The following EP400 variants were observed in gnomAD, a reference collection of about 807,000 sequenced individuals.
The protein encoded by EP400 is E1A-binding protein p400.
A neutral mutation model predicts 354.1 loss-of-function variants in EP400; 105 were observed. The ratio of observed to expected loss-of-function variants is 0.30; its 90% CI spans 0.25 to 0.35. The LOEUF is 0.35. Among genes scored for constraint, EP400 ranks in the 10% least tolerant of loss-of-function variants. The probability of loss-of-function intolerance (pLI) is 1.00; values close to 1 mark genes in which losing one functional copy is unlikely to be tolerated. For synonymous variants in EP400, 1,646 were observed against 1,716.9 expected, an observed-to-expected ratio of 0.96 and a Z score of 1.02; for missense variants, 3,280 against 4,121.0, an observed-to-expected ratio of 0.80 and a Z score of 5.59.
Position 131,986,400 on chromosome 12 carries a change from C to T in EP400, c.1930-114C>T, listed in dbSNP as rs747474204. ...TGATTTGTCTGCTTGCATCGTGGAG[C>T]GGAAGGTGCTGGCAGTGCGCGTCTC... is the stretch of plus-strand genomic sequence containing the variant. On this transcript the variant is annotated intron_variant, in intron 5 of 52. Coordinates refer to ENST00000389561, the MANE Select transcript of EP400 (RefSeq NM_015409.5). 5.2e-4 allele frequency: 514 copies of T among 979,826 alleles called. 3 individuals carry two copies. The highest frequency in any genetic ancestry group is 4.8e-4 in the Non-Finnish European group (317 of 661,012). The allele number at this position is 979,826 out of a possible 1,614,324, so 60.7% of individuals were successfully genotyped here.
At chr12:132,009,613 G>A (rs1204986096) in intron 15 of EP400, among the ~76,000 whole-genome samples, 1 of 152,178 alleles carries the variant, frequency 6.6e-6, no homozygotes, top group Non-Finnish European at 1.5e-5. Flanking sequence ...GGTCAGCCAC[G>A]ATAGAGGCCT....
Position 132,050,424 on chromosome 12 carries a change from G to T in EP400, c.7302G>T (p.Met2434Ile). Residue 2434 changes from methionine (M) to isoleucine (I), a missense_variant, in exon 40 of 53, where the codon ATG (methionine) becomes ATT (isoleucine). Transcript: ENST00000389561. This position sits in a 1 kb window ranked among gnomAD's most constrained non-coding sequence, Gnocchi z 4.8. ...CGAGCCACTTTGACTTAATGAAAATGACTGCTGGCAAGAGGAGTCCCCCAA... is the reference window on the plus strand; with the variant it reads ...CGAGCCACTTTGACTTAATGAAAATTACTGCTGGCAAGAGGAGTCCCCCAA... ...LYTSHFDLMK[M>I]TAGKRSPPIK... 6.2e-7 allele frequency: 1 copy of T among 1,614,162 alleles called. No homozygotes were observed. The highest frequency in any genetic ancestry group is 1.1e-5 in the South Asian group (1 of 91,076).
chr12:132,045,557 G>A lies in EP400; in HGVS notation c.7023G>A (p.Leu2341=). 6.2e-7 allele frequency: 1 copy of A among 1,613,844 alleles called. No homozygotes were observed. The highest frequency in any genetic ancestry group is 8.5e-7 in the Non-Finnish European group (1 of 1,179,772). Residue 2341 remains leucine, a synonymous_variant, in exon 38 of 53, where the codon CTG becomes CTA. Coordinates refer to ENST00000389561, the MANE Select transcript of EP400 (RefSeq NM_015409.5). ...TCATCAGTGAGGACTGGGCGCTGCT[G>A]CAGGTAGGTGGGCGTGGTCTTTGTG... The part of the protein sequence containing the change: ...EWLISEDWAL[L]QAVKQLLELP...
In EP400 at chr12:132,029,819, G is replaced by A; in HGVS notation, c.5500G>A (p.Ala1834Thr). Reference sequence around the variant, plus strand: ...GAGGCAGGGCCTGAGAGAGCACGCTGCGCCGTACTTCCAGCAGCTGCGGCA... The same window carrying A: ...GAGGCAGGGCCTGAGAGAGCACGCTACGCCGTACTTCCAGCAGCTGCGGCA... ...ILRQGLREHAAPYFQQLRQTT... is the reference protein window; with the variant it reads ...ILRQGLREHATPYFQQLRQTT... Residue 1834 changes from alanine to threonine, a missense_variant, in exon 28 of 53, where the codon GCG (alanine) becomes ACG (threonine). Around this residue, in one of 20 missense-constraint regions of EP400, gnomAD observed 459 missense variants for 496.9 expected, o/e 0.92. Coordinates refer to ENST00000389561, the MANE Select transcript of EP400 (RefSeq NM_015409.5). The surrounding 1 kb of genome is among the most constrained non-coding windows in gnomAD (Gnocchi z 4.7). The A allele has an allele frequency of 6.2e-7, 1 of 1,613,420 alleles. No homozygotes were observed. Among genetic ancestry groups the A allele is most frequent in the Non-Finnish European group, 8.5e-7 (1 of 1,180,034 alleles).
Position 132,062,100 on chromosome 12 carries a change from C to A in EP400, c.7885-10C>A, listed in dbSNP as rs1443844973. On this transcript the variant is annotated splice_polypyrimidine_tract_variant and intron_variant, in intron 45 of 52. Transcript: ENST00000389561. ...AATATTTGATGAGGTCCTCTGTTTG[C>A]CTTTTCTAGACGCCGGGAGGCTCTG... 6.8e-6 allele frequency: 11 copies of A among 1,609,696 alleles called. No homozygotes were observed. The highest frequency in any genetic ancestry group is 9.3e-6 in the Non-Finnish European group (11 of 1,179,168).
intron 37 of EP400, 75 bp downstream of exon 37, chr12:132,045,028 G>A: frequency 7.4e-7 from 1 of 1,345,404 alleles, no homozygotes; most frequent in Non-Finnish European, 1.0e-6. Context: ...GCCACTTTCT[G>A]CTGTCTGCCT....
intron 41 of EP400, 107 bp from the exon 42 acceptor site, chr12:132,053,039 G>A (rs1895357102): frequency 8.2e-7 from 1 of 1,213,036 alleles, no homozygotes; most frequent in South Asian, 1.2e-5. Context: ...TCATCTCTTG[G>A]GCTGGAGCTG....
At chr12:132,023,725 CA>C in intron 23 of EP400, 51 bp from the exon 24 acceptor site, 2 of 1,597,584 alleles carry the variant, frequency 1.3e-6, no homozygotes, top group Non-Finnish European at 1.7e-6. Context: ...ATGACACTCC[CA>C]AATTTTTTCC....
rs764986948 is a variant in EP400 at position 131,982,446 on chromosome 12, G to T, written c.1897G>T (p.Val633Leu). Residue 633 changes from valine (V) to leucine (L), a missense_variant, in exon 5 of 53, where the codon GTG (valine) becomes TTG (leucine). Transcript: ENST00000389561. ...CGTTCCCACACCTGGAAAGGTGCAG[G>T]TGCAGGCCTCTCAGCTTTCCTCCCT... is the stretch of plus-strand genomic sequence containing the variant. ...LHVPTPGKVQ[V>L]QASQLSSLPQ... The T allele has an allele frequency of 6.2e-6, 10 of 1,611,934 alleles. No homozygotes were observed. In the African/African-American group the frequency reaches 1.2e-4, roughly 19 times the overall value.
Position 131,990,184 on chromosome 12 carries a change from G to A in EP400, c.2550+80G>A. 6.6e-7 allele frequency: 1 copy of A among 1,512,364 alleles called. No individual in the cohort carries two copies. Among genetic ancestry groups the A allele is most frequent in the South Asian group, 1.3e-5 (1 of 76,698 alleles). The allele number at this position is 1,512,364 out of a possible 1,614,324, so 93.7% of individuals were successfully genotyped here. ...GGCCACTTCCCGAGACCAGAGCTCG[G>A]GCACCTTGCTTAGGAAGCTTTCGAG... On this transcript the variant is annotated intron_variant, in intron 8 of 52. Transcript: ENST00000389561. This position sits in a 1 kb window ranked among gnomAD's most constrained non-coding sequence, Gnocchi z 4.2.
intron 47 of EP400, among the ~76,000 whole-genome samples, chr12:132,063,114 T>C (rs1304793846): frequency 6.6e-6 from 1 of 152,206 alleles, no homozygotes; most frequent in African/African-American, 2.4e-5. Flanking sequence ...GTGGTTCACG[T>C]GCGGTACTGT....
At position 132,078,723 on chromosome 12, in the gene EP400, A is replaced by G. The variant is rs1265910224; in HGVS notation, c.*1050A>G. The G allele has an allele frequency of 1.3e-5, 2 of 151,942 alleles. No homozygotes were observed. The highest frequency in any genetic ancestry group is 1.9e-4 in the East Asian group (1 of 5,178). The allele number at this position is 151,942 out of a possible 1,614,324, so 9.4% of individuals were successfully genotyped here. A position where few individuals can be genotyped will look rare whatever the true frequency, so the allele number is the denominator to read the frequency against. ...TTGGCTATAGCGGTGGGCCCAGTCAACTCTTCCTTGTGGACTTACGACAGC... is the reference window on the plus strand; with the variant it reads ...TTGGCTATAGCGGTGGGCCCAGTCAGCTCTTCCTTGTGGACTTACGACAGC... On this transcript the variant is annotated 3_prime_UTR_variant, in exon 53 of 53. Coordinates refer to ENST00000389561, the MANE Select transcript of EP400 (RefSeq NM_015409.5).
intron 1 of EP400, among the ~76,000 whole-genome samples, chr12:131,951,350 C>A (rs1232797012): frequency 6.6e-6 from 1 of 151,332 alleles, no homozygotes; most frequent in Non-Finnish European, 1.5e-5. Context: ...CCATGCCCGG[C>A]CAATTTTTTA....
At position 132,023,926 on chromosome 12, in the gene EP400, C is replaced by T. The variant is rs754164464; in HGVS notation, c.4840C>T (p.Pro1614Ser). Residue 1614 changes from proline to serine, a missense_variant, in exon 24 of 53, where the codon CCG (proline) becomes TCG (serine). Physicochemically the swap from Pro to Ser is moderately conservative, Grantham distance 74. Coordinates refer to ENST00000389561, the MANE Select transcript of EP400 (RefSeq NM_015409.5). Reference sequence around the variant, plus strand: ...GCTCCGGCAGCTCACAGCGGGCCAGCCGCTGCAGCTGCAAGGTAAGGATAA... The same window carrying T: ...GCTCCGGCAGCTCACAGCGGGCCAGTCGCTGCAGCTGCAAGGTAAGGATAA... ...SQLRQLTAGQPLQLQGSVLQI... is the reference protein window; with the variant it reads ...SQLRQLTAGQSLQLQGSVLQI... The T allele has an allele frequency of 1.9e-6, 3 of 1,605,514 alleles. No homozygotes were observed. The Admixed American group carries it at 5.1e-5, about 27-fold the overall frequency.
In EP400 at chr12:131,990,625, T is replaced by C. The variant is rs762796576; in HGVS notation, c.2551-11T>C. 1 of 1,589,924 alleles carries C rather than the reference T, an allele frequency of 6.3e-7. No homozygotes were observed. The highest frequency in any genetic ancestry group is 1.1e-5 in the South Asian group (1 of 89,284). ...AGTAATGTGCTTATTCATTTAATCC[T>C]TTGCATTTAGGTTGTGGAAATAAAA... On this transcript the variant is annotated splice_polypyrimidine_tract_variant and intron_variant, in intron 8 of 52. Coordinates refer to ENST00000389561, the MANE Select transcript of EP400 (RefSeq NM_015409.5). This position sits in a 1 kb window ranked among gnomAD's most constrained non-coding sequence, Gnocchi z 4.2.
At position 131,960,575 on chromosome 12, in the gene EP400, T is replaced by C; in HGVS notation, c.-35-10T>C. ...CCTTCAAGTGACTTGATTTTAATTTTAATTTTTAGGAGAACGACACATTGG... is the reference window on the plus strand; with the variant it reads ...CCTTCAAGTGACTTGATTTTAATTTCAATTTTTAGGAGAACGACACATTGG... On this transcript the variant is annotated splice_polypyrimidine_tract_variant and intron_variant, in intron 1 of 52. Coordinates refer to ENST00000389561, the MANE Select transcript of EP400 (RefSeq NM_015409.5). 2 of 1,531,058 alleles carry C rather than the reference T, an allele frequency of 1.3e-6. No homozygotes were observed. The allele number at this position is 1,531,058 out of a possible 1,614,324, so 94.8% of individuals were successfully genotyped here. A position where few individuals can be genotyped will look rare whatever the true frequency, so the allele number is the denominator to read the frequency against.
At chr12:131,993,727 T>C (rs1893117551) in intron 11 of EP400, among the ~76,000 whole-genome samples, 1 of 152,208 alleles carries the variant, frequency 6.6e-6, no homozygotes, top group African/African-American at 2.4e-5. Flanking sequence ...CTCTCCTGAA[T>C]CCTGTGGGTA....
rs558879394 is a variant in EP400 at position 131,979,714 on chromosome 12, C to T, written c.1356C>T (p.Ser452=). 6.2e-7 allele frequency: 1 copy of T among 1,607,836 alleles called. No homozygotes were observed. Among genetic ancestry groups the T allele is most frequent in the South Asian group, 1.1e-5 (1 of 90,362 alleles). The change falls in exon 3 of 53, where the codon AGC becomes AGT. Residue 452 remains serine (S), a synonymous_variant. Transcript: ENST00000389561. ...CCCAGCAGCAAGCCCTCGCAGGGAG[C>T]CTGGTAGCAGGGGCCGGAAGCACAG... ...INDEQQALAG[S]LVAGAGSTVE...
At chr12:132,044,527 A>G in intron 35 of EP400, 144 bp from the exon 36 acceptor site, 3 of 1,214,518 alleles carry the variant, frequency 2.5e-6, no homozygotes, top group East Asian at 2.5e-5. Context: ...ACCAGCTCTG[A>G]TTAAAACATT....
Sources: allele counts gnomAD v4.1 joint callset (sites outside exome capture counted in the v4.1 genomes callset), GRCh38; gene constraint gnomAD v4.1.1; regional missense constraint gnomAD v4.1.1; non-coding constraint Gnocchi (gnomAD v3.1); transcripts MANE v1.5; gene names NCBI Gene and HGNC (gene_info 2026-07-23, HGNC 2026-07-21).